VPS54: variants seen among roughly 807,000 people sequenced by gnomAD.
The protein encoded by VPS54 is VPS54 subunit of GARP complex.
Under a neutral mutation model 121.5 loss-of-function variants are expected in VPS54, and 45 were observed. The observed-to-expected ratio is 0.37, with a 90% confidence interval of 0.29 to 0.47. The LOEUF is 0.47. VPS54 is among the 20% of genes least tolerant of loss of function. VPS54 has a pLI of 0.99. For missense variants in VPS54, 1,090 were observed against 1,131.4 expected, an observed-to-expected ratio of 0.96 and a Z score of 0.52; for synonymous variants, 371 against 385.8, an observed-to-expected ratio of 0.96 and a Z score of 0.45.
intron 1 of VPS54, among the ~76,000 whole-genome samples, chr2:63,991,084 G>C (rs536827488): frequency 6.6e-6 from 1 of 152,164 alleles, no homozygotes; most frequent in South Asian, 2.1e-4. Context: ...CACAGGCTCC[G>C]ATAGTTTCTC....
chr2:64,005,536 A>C (rs1436199579), intron 1 of VPS54, among the ~76,000 whole-genome samples: 2 of 152,344 alleles, frequency 1.3e-5, no homozygotes, highest in East Asian at 3.9e-4. Context: ...ACAAAGCTAC[A>C]GGTACTGTAA....
intron 13 of VPS54, 69 bp from the exon 14 acceptor site, chr2:63,920,696 T>A: frequency 1.2e-6 from 1 of 854,936 alleles, no homozygotes; most frequent in Non-Finnish European, 1.6e-6. Context: ...CAAGTTAGTT[T>A]AACGATTATT....
chr2:63,987,485 CATAGG>C (rs1021895910), intron 1 of VPS54, among the ~76,000 whole-genome samples: 12 of 150,212 alleles, frequency 8.0e-5, no homozygotes, highest in African/African-American at 2.4e-4. Flanking sequence ...CTTTTTTTTG[CATAGG>C]ATAGCTTTGT....
intron 11 of VPS54, among the ~76,000 whole-genome samples, 189 bp downstream of exon 11, chr2:63,942,274 CTT>C (rs1674778243): frequency 6.6e-6 from 1 of 151,836 alleles, no homozygotes; most frequent in African/African-American, 2.4e-5. Flanking sequence ...AAAATTATAA[CTT>C]ATTAAATTCT....
chr2:63,899,248 T>C (rs1672572534), intron 21 of VPS54, among the ~76,000 whole-genome samples: 1 of 152,210 alleles, frequency 6.6e-6, no homozygotes, highest in South Asian at 2.1e-4. Context: ...CTTTTTAGAA[T>C]TGTTTATAAT....
intron 12 of VPS54, among the ~76,000 whole-genome samples, chr2:63,921,672 G>A (rs983662127): frequency 3.3e-5 from 5 of 152,024 alleles, no homozygotes; most frequent in African/African-American, 1.2e-4. Flanking sequence ...GGACTACAGA[G>A]TCTTGCTACA....
At chr2:63,900,597 G>A (rs1198186439) in intron 20 of VPS54, among the ~76,000 whole-genome samples, 1 of 152,166 alleles carries the variant, frequency 6.6e-6, no homozygotes, top group Non-Finnish European at 1.5e-5. Context: ...CCAAAAAGTG[G>A]ACAAGGAACG....
chr2:63,911,254 T>C (rs944941508), intron 20 of VPS54, among the ~76,000 whole-genome samples: 1 of 152,182 alleles, frequency 6.6e-6, no homozygotes, highest in African/African-American at 2.4e-5. Flanking sequence ...CTCTAAACAG[T>C]AATTTTTCTC....
chr2:63,992,383 A>G (rs998091177), intron 1 of VPS54, among the ~76,000 whole-genome samples: 3 of 152,234 alleles, frequency 2.0e-5, no homozygotes, highest in Non-Finnish European at 2.9e-5. Flanking sequence ...ATGATGGAAA[A>G]CATGCGGTAT....
intron 5 of VPS54, among the ~76,000 whole-genome samples, chr2:63,968,372 C>T (rs1016742803): frequency 1.4e-5 from 2 of 144,838 alleles, no homozygotes; most frequent in East Asian, 3.9e-4. Context: ...CATAAATATA[C>T]ATCATTTTTA....
intron 1 of VPS54, among the ~76,000 whole-genome samples, chr2:64,000,410 C>T (rs909208323): frequency 6.6e-6 from 1 of 152,170 alleles, no homozygotes; most frequent in African/African-American, 2.4e-5. Context: ...TTTAGTTCAT[C>T]TGGAGAGGTC....
chr2:63,908,230 T>C (rs1558982910), intron 20 of VPS54, among the ~76,000 whole-genome samples: 1 of 152,142 alleles, frequency 6.6e-6, no homozygotes, highest in Non-Finnish European at 1.5e-5. Flanking sequence ...AATACTACTC[T>C]ATAATAAAAC....
intron 1 of VPS54, among the ~76,000 whole-genome samples, chr2:64,000,273 G>T (rs748068248): frequency 4.6e-5 from 7 of 152,170 alleles, no homozygotes; most frequent in Non-Finnish European, 8.8e-5. Context: ...AAATTTATCT[G>T]ATAGGATTCT....
intron 11 of VPS54, among the ~76,000 whole-genome samples, chr2:63,941,268 A>C (rs1467679120): frequency 6.6e-6 from 1 of 152,044 alleles, no homozygotes; most frequent in African/African-American, 2.4e-5. Flanking sequence ...TCTGTTGGCC[A>C]GGCTGGAGTA....
chr2:64,013,559 GATAT>G (rs1046867509), intron 1 of VPS54, among the ~76,000 whole-genome samples: 1 of 142,620 alleles, frequency 7.0e-6, no homozygotes, highest in African/African-American at 2.7e-5. Flanking sequence ...ATATATATAT[GATAT>G]ATATATCAGC....
Position 63,919,904 on chromosome 2 carries a change from A to C in VPS54, c.2143T>G (p.Leu715Val), listed in dbSNP as rs774643437. The C allele has an allele frequency of 1.2e-6, 2 of 1,610,654 alleles. No homozygotes were observed. Among genetic ancestry groups the C allele is most frequent in the African/African-American group, 2.7e-5 (2 of 74,734 alleles). The change falls in exon 15 of 23, where the codon TTA becomes GTA. Residue 715 changes from leucine to valine, a missense_variant. Around this residue, in one of 2 missense-constraint regions of VPS54, gnomAD observed 289 missense variants for 374.4 expected, o/e 0.77. Transcript: ENST00000272322. ...ATACCTCCTGATTTTTTTTCAGGTA[A>C]AGCAATCTTCCCATCTGACAGAGAA... ...VDSLSDGKIA[L>V]PEKKSGATEE...
chr2:63,934,141 G>C (rs1338160252), intron 11 of VPS54, 128 bp from the exon 12 acceptor site: 2 of 763,024 alleles, frequency 2.6e-6, no homozygotes, highest in African/African-American at 3.5e-5. Flanking sequence ...ATGTATATCA[G>C]AATTTCTACC....
intron 7 of VPS54, among the ~76,000 whole-genome samples, chr2:63,956,119 A>G (rs1161981789): frequency 3.9e-5 from 6 of 152,174 alleles, no homozygotes; most frequent in Non-Finnish European, 5.9e-5. Context: ...AAAACCTTGT[A>G]TATCAATAAA....
chr2:63,932,629 C>T (rs549553761), intron 12 of VPS54, among the ~76,000 whole-genome samples: 4 of 147,478 alleles, frequency 2.7e-5, no homozygotes, highest in African/African-American at 1.0e-4. Flanking sequence ...ACTTTCTGCA[C>T]ATGTAACCCA....
Sources: allele counts gnomAD v4.1 joint callset (sites outside exome capture counted in the v4.1 genomes callset), GRCh38; gene constraint gnomAD v4.1.1; regional missense constraint gnomAD v4.1.1; transcripts MANE v1.5; gene names NCBI Gene and HGNC (gene_info 2026-07-23, HGNC 2026-07-21).